DZIP3: variants seen among roughly 807,000 people sequenced by gnomAD.
DZIP3 encodes the protein E3 ubiquitin-protein ligase DZIP3.
A neutral mutation model predicts 162.0 loss-of-function variants in DZIP3; 118 were observed. The observed-to-expected ratio is 0.73, with a 90% confidence interval of 0.63 to 0.85. DZIP3 has a LOEUF of 0.85. Ranked by LOEUF, DZIP3 falls within the 40% of genes least tolerant of loss-of-function variation. The pLI is 0.00. For missense variants in DZIP3, 1,331 were observed against 1,407.0 expected (o/e 0.95, Z 0.86); for synonymous variants, 438 against 458.6 (o/e 0.96, Z 0.57).
chr3:108,653,755 G>A (rs1262396507), intron 18 of DZIP3, among the ~76,000 whole-genome samples: 1 of 151,678 alleles, frequency 6.6e-6, no homozygotes, highest in Non-Finnish European at 1.5e-5. Flanking sequence ...GAAAATTAAG[G>A]GGGAACAAAG....
At chr3:108,601,193 C>T (rs1391751140) in intron 1 of DZIP3, among the ~76,000 whole-genome samples, 1 of 151,978 alleles carries the variant, frequency 6.6e-6, no homozygotes, top group African/African-American at 2.4e-5. Context: ...ATTTTATGCC[C>T]CAAGGGATAC....
chr3:108,691,175 T>A (rs1025070663), intron 32 of DZIP3: 1 of 245,226 alleles, frequency 4.1e-6, no homozygotes, highest in African/African-American at 2.2e-5. Flanking sequence ...TTTCTTAGGA[T>A]GTTTTTTCTT....
chr3:108,641,382 TGTA>T (rs758908572), intron 12 of DZIP3, among the ~76,000 whole-genome samples: 4 of 152,208 alleles, frequency 2.6e-5, no homozygotes, highest in African/African-American at 4.8e-5. Context: ...CTATTATAGT[TGTA>T]GTGTTTTCAT....
chr3:108,688,477 A>T lies in DZIP3; in HGVS notation c.3271-116A>T, dbSNP rs1944573968. ...ACCATTTTGTTCAAGATTTCTCACA[A>T]ATCTGATTATTTACCCTTTTGCTAG... On this transcript the variant is annotated intron_variant, in intron 29 of 32. Transcript: ENST00000361582. 5.9e-6 allele frequency: 7 copies of T among 1,190,342 alleles called. No individual in the cohort carries two copies. The Admixed American group carries it at 2.0e-4, about 33-fold the overall frequency. 73.7% of individuals were successfully genotyped at this position (1,190,342 alleles called of 1,614,324 possible). A position where few individuals can be genotyped will look rare whatever the true frequency, so the allele number is the denominator to read the frequency against.
At chr3:108,647,880 A>C in intron 15 of DZIP3, 63 bp from the exon 16 acceptor site, 1 of 1,360,182 alleles carries the variant, frequency 7.4e-7, no homozygotes, top group South Asian at 1.6e-5. Flanking sequence ...AAACATTATA[A>C]CATTGATAAG....
Position 108,644,442 on chromosome 3 carries a change from A to G in DZIP3, c.1420A>G (p.Ile474Val). 1 of 1,614,090 alleles carries G rather than the reference A, an allele frequency of 6.2e-7. No individual in the cohort carries two copies. Among genetic ancestry groups the G allele is most frequent in the Non-Finnish European group, 8.5e-7 (1 of 1,179,976 alleles). ...QFDLCLLLALIKHLNVFPAPK... is the reference protein window; with the variant it reads ...QFDLCLLLALVKHLNVFPAPK... ...TGACTTATGCCTCCTGTTAGCTCTTATAAAACATTTAAATGTGTTCCCTGC... is the reference window on the plus strand; with the variant it reads ...TGACTTATGCCTCCTGTTAGCTCTTGTAAAACATTTAAATGTGTTCCCTGC... Residue 474 changes from isoleucine (I) to valine (V), a missense_variant, in exon 14 of 33, where the codon ATA (isoleucine) becomes GTA (valine). Physicochemically the swap from Ile to Val is conservative, Grantham distance 29. Transcript: ENST00000361582.
intron 14 of DZIP3, among the ~76,000 whole-genome samples, chr3:108,645,668 G>A (rs1021787797): frequency 6.6e-6 from 1 of 152,142 alleles, no homozygotes; most frequent in Non-Finnish European, 1.5e-5. Context: ...CCACACTGAT[G>A]CTATATAAAC....
chr3:108,627,570 T>A lies in DZIP3; in HGVS notation c.582-1492T>A, dbSNP rs562669697. Among the ~76,000 whole-genome samples the A allele has an allele frequency of 2.5e-4, 38 of 152,350 alleles. No homozygotes were observed. The South Asian group carries it at 7.7e-3, about 31-fold the overall frequency. On this transcript the variant is annotated intron_variant, in intron 7 of 32. Coordinates refer to ENST00000361582, the MANE Select transcript of DZIP3 (RefSeq NM_014648.4). ...TTCTTAATTTACTATAGACCATTAT[T>A]GTGTCCAAGTTTCAAGGAGTCTTCT...
rs960801192 is a variant in DZIP3, at chr3:108,605,234, G to T, written c.-72-101G>T. 3 of 820,466 alleles carry T rather than the reference G, an allele frequency of 3.7e-6. No homozygotes were observed. In the African/African-American group the frequency reaches 5.3e-5, roughly 15 times the overall value. The allele number at this position is 820,466 out of a possible 1,614,324, so 50.8% of individuals were successfully genotyped here. ...AACTATGATTCATTTTCTTCTTTTAGAGCAGTTTCAGATTTTCTTCAAATG... is the reference window on the plus strand; with the variant it reads ...AACTATGATTCATTTTCTTCTTTTATAGCAGTTTCAGATTTTCTTCAAATG... On this transcript the variant is annotated intron_variant, in intron 1 of 32. Coordinates refer to ENST00000361582, the MANE Select transcript of DZIP3 (RefSeq NM_014648.4).
Position 108,688,628 on chromosome 3 carries a change from T to G in DZIP3, c.3306T>G (p.Val1102=), listed in dbSNP as rs765305543. ...AATCAGTGTCAAATGTTAATTGTGT[T>G]TCACCTAGTCATTCTCCATCACAGC... ...QGKSVSNVNC[V]SPSHSPSQPD... Residue 1102 remains valine (V), a synonymous_variant, in exon 30 of 33, where the codon GTT becomes GTG. Transcript: ENST00000361582. 2 of 1,613,652 alleles carry G rather than the reference T, an allele frequency of 1.2e-6. No homozygotes were observed. Among genetic ancestry groups the G allele is most frequent in the South Asian group, 1.1e-5 (1 of 90,882 alleles).
chr3:108,638,482 A>AT (rs879740253), intron 12 of DZIP3, among the ~76,000 whole-genome samples: 8 of 151,640 alleles, frequency 5.3e-5, no homozygotes, highest in South Asian at 2.1e-4. Flanking sequence ...TGCCCGGCTA[A>AT]TTTTTTTTGT....
At chr3:108,619,955 T>G (rs2966559) in intron 5 of DZIP3, among the ~76,000 whole-genome samples, 96,771 of 151,506 alleles carry the variant, frequency 0.64, 31,410 homozygotes, top group African/African-American at 0.76. Flanking sequence ...TGTGTCTGGG[T>G]TCTCCAAGAC....
chr3:108,620,565 A>G (rs1490702468), intron 5 of DZIP3, among the ~76,000 whole-genome samples: 1 of 152,192 alleles, frequency 6.6e-6, no homozygotes, highest in Middle Eastern at 3.2e-3. Flanking sequence ...AATCAAGATA[A>G]AAGAACTATT....
intron 5 of DZIP3, among the ~76,000 whole-genome samples, chr3:108,620,126 T>C (rs755138229): frequency 8.5e-5 from 13 of 152,240 alleles, no homozygotes; most frequent in Non-Finnish European, 1.6e-4. Flanking sequence ...TTCCTCCATA[T>C]TTTCTCCCTT....
chr3:108,599,335 A>C (rs1939871166), intron 1 of DZIP3, among the ~76,000 whole-genome samples: 2 of 152,180 alleles, frequency 1.3e-5, no homozygotes, highest in Non-Finnish European at 1.5e-5. Context: ...TTGGGAGCAA[A>C]TAATATTTTA....
chr3:108,665,835 A>G (rs935663644), intron 21 of DZIP3, among the ~76,000 whole-genome samples: 40 of 152,314 alleles, frequency 2.6e-4, no homozygotes, highest in African/African-American at 9.4e-4. Context: ...GAGCAGAACC[A>G]TGAATCCTGT....
In DZIP3 at chr3:108,677,553, G is replaced by A. The variant is rs768664392; in HGVS notation, c.2838G>A (p.Leu946=). Residue 946 remains leucine, a synonymous_variant, in exon 26 of 33, where the codon TTG becomes TTA. Coordinates refer to ENST00000361582, the MANE Select transcript of DZIP3 (RefSeq NM_014648.4). The part of the protein sequence containing the change: ...KVKQGFALST[L]PPVQLPPPPP... ...AGCAAGGATTTGCCTTGAGTACCTT[G>A]CCTCCAGTCCAGCTTCCTCCTCCAC... 6.2e-7 allele frequency: 1 copy of A among 1,612,682 alleles called. No individual in the cohort carries two copies. Among genetic ancestry groups the A allele is most frequent in the Non-Finnish European group, 8.5e-7 (1 of 1,179,024 alleles).
chr3:108,633,038 G>A lies in DZIP3; in HGVS notation c.782G>A (p.Cys261Tyr), dbSNP rs747038713. Reference sequence around the variant, plus strand: ...AGTTACCTAGATTGTGAACGATCTTGTGAAGCTGACATTTTGAAGAACACC... The same window carrying A: ...AGTTACCTAGATTGTGAACGATCTTATGAAGCTGACATTTTGAAGAACACC... ...ICSYLDCERS[C>Y]EADILKNTSY... The change falls in exon 9 of 33, where the codon TGT becomes TAT. Residue 261 changes from cysteine to tyrosine, a missense_variant. Physicochemically the swap from Cys to Tyr is radical, Grantham distance 194 (BLOSUM62 -2). Coordinates refer to ENST00000361582, the MANE Select transcript of DZIP3 (RefSeq NM_014648.4). 1.3e-6 allele frequency: 2 copies of A among 1,487,012 alleles called. No homozygotes were observed. The highest frequency in any genetic ancestry group is 1.6e-5 in the South Asian group (1 of 64,126). 92.1% of individuals were successfully genotyped at this position (1,487,012 alleles called of 1,614,324 possible).
At chr3:108,592,644 C>T (rs923377225) in intron 1 of DZIP3, among the ~76,000 whole-genome samples, 1 of 149,118 alleles carries the variant, frequency 6.7e-6, no homozygotes, top group African/African-American at 2.5e-5. Context: ...TGCAGTAAGC[C>T]ATGTTTGCCC....
Sources: gnomAD v4.1 joint callset for allele counts (sites outside exome capture counted in the v4.1 genomes callset) on GRCh38, gnomAD v4.1.1 for gene constraint, MANE v1.5 for transcripts, NCBI Gene and HGNC (gene_info 2026-07-23, HGNC 2026-07-21) for gene names.